DCAF10: variants seen among roughly 807,000 people sequenced by gnomAD.
DCAF10 encodes the protein DDB1 and CUL4 associated factor 10.
DCAF10 carries 19 observed loss-of-function variants against 51.9 expected under a neutral mutation model. The observed-to-expected ratio is 0.37, with a 90% confidence interval of 0.26 to 0.54. The LOEUF (loss-of-function observed/expected upper bound fraction) is 0.54, where lower values mean the gene tolerates loss of function less well. Ranked by LOEUF, DCAF10 falls within the 20% of genes least tolerant of loss-of-function variation. The pLI, the probability that DCAF10 is intolerant of heterozygous loss-of-function variation, is 0.87. For synonymous variants in DCAF10, 291 were observed against 297.1 expected (o/e 0.98, Z 0.21); for missense variants, 510 against 730.6 (o/e 0.70, Z 3.48).
chr9:37,801,048 C>T lies in DCAF10; in HGVS notation c.182C>T (p.Ser61Leu). The T allele has an allele frequency of 3.9e-6, 6 of 1,536,346 alleles. No homozygotes were observed. Among genetic ancestry groups the T allele is most frequent in the Non-Finnish European group, 5.2e-6 (6 of 1,150,574 alleles). ...AGCCCTCGCCGCCCCGGCGCCCCAT[C>T]GCTGTCCCCGGCCCCGCGCTCCGGA... The part of the protein sequence containing the change: ...ARSPRRPGAP[S>L]LSPAPRSGEL... Residue 61 changes from serine (S) to leucine (L), a missense_variant, in exon 1 of 7, where the codon TCG (serine) becomes TTG (leucine). Physicochemically the swap from Ser to Leu is moderately radical, Grantham distance 145. This residue lies in a region of DCAF10 where 251 missense variants were observed against 227.9 expected (regional missense o/e 1.10). Coordinates refer to ENST00000377724, the MANE Select transcript of DCAF10 (RefSeq NM_024345.5). This position sits in a 1 kb window ranked among gnomAD's most constrained non-coding sequence, Gnocchi z 5.5.
At chr9:37,857,198 G>C (rs747615297) in intron 4 of DCAF10, 43 bp from the exon 5 acceptor site, 1 of 1,455,706 alleles carries the variant, frequency 6.9e-7, no homozygotes, top group Non-Finnish European at 9.3e-7. Context: ...GCCACTACCA[G>C]AGTTATGCTA....
intron 3 of DCAF10, among the ~76,000 whole-genome samples, chr9:37,847,690 T>C (rs960318288): frequency 5.1e-4 from 77 of 152,172 alleles, no homozygotes; most frequent in African/African-American, 1.9e-3. Context: ...GAAAAGGCAT[T>C]CAGAATAGAA....
At chr9:37,803,211 A>G (rs773988698) in intron 1 of DCAF10, among the ~76,000 whole-genome samples, 1 of 152,152 alleles carries the variant, frequency 6.6e-6, no homozygotes, top group Non-Finnish European at 1.5e-5. Flanking sequence ...ATACCTAAAC[A>G]TTGCTTATGA....
chr9:37,836,100 G>C (rs960531000), intron 2 of DCAF10: 2 of 1,225,950 alleles, frequency 1.6e-6, no homozygotes, highest in African/African-American at 3.0e-5. Context: ...TAAAGAACTT[G>C]GTATCTCTAT....
intron 2 of DCAF10, among the ~76,000 whole-genome samples, chr9:37,830,607 G>C (rs1455069647): frequency 6.6e-6 from 1 of 152,208 alleles, no homozygotes; most frequent in East Asian, 1.9e-4. Context: ...TCAAAAATAT[G>C]TGAAAGATAA....
At chr9:37,840,781 C>T (rs1443542238) in intron 2 of DCAF10, among the ~76,000 whole-genome samples, 1 of 152,174 alleles carries the variant, frequency 6.6e-6, no homozygotes, top group African/African-American at 2.4e-5. Flanking sequence ...ACTGACTCAC[C>T]CAGAGCAACT....
intron 1 of DCAF10, among the ~76,000 whole-genome samples, chr9:37,810,094 G>T (rs1829289426): frequency 6.6e-6 from 1 of 151,818 alleles, no homozygotes; most frequent in African/African-American, 2.4e-5. Context: ...GGAGGTTGCA[G>T]TGAGCTGAGA....
intron 4 of DCAF10, among the ~76,000 whole-genome samples, chr9:37,856,054 G>C (rs1200233632): frequency 6.6e-6 from 1 of 152,122 alleles, no homozygotes; most frequent in Non-Finnish European, 1.5e-5. Flanking sequence ...AGGAAGCTGG[G>C]GCAGGAGGAT....
At chr9:37,816,506 T>C (rs190960621) in intron 1 of DCAF10, among the ~76,000 whole-genome samples, 6 of 152,218 alleles carry the variant, frequency 3.9e-5, no homozygotes, top group Non-Finnish European at 7.4e-5. Flanking sequence ...AGGAAAATCT[T>C]TTGAACCCAG....
chr9:37,807,725 C>T (rs1419576986), intron 1 of DCAF10, among the ~76,000 whole-genome samples: 5 of 141,804 alleles, frequency 3.5e-5, no homozygotes, highest in East Asian at 2.1e-4. Context: ...TGCAATGGCG[C>T]GATCTTGCCT....
chr9:37,819,216 A>G, intron 1 of DCAF10, 72 bp from the exon 2 acceptor site: 1 of 1,208,820 alleles, frequency 8.3e-7, no homozygotes, highest in Non-Finnish European at 1.2e-6. Flanking sequence ...TTGTGTAATT[A>G]TAAATAAGTG....
chr9:37,851,566 G>A (rs919371692), intron 3 of DCAF10, among the ~76,000 whole-genome samples: 4 of 151,562 alleles, frequency 2.6e-5, no homozygotes, highest in South Asian at 2.1e-4. Context: ...AGGCCGAGGC[G>A]GGTGGATCAC....
intron 2 of DCAF10, among the ~76,000 whole-genome samples, chr9:37,840,989 T>C (rs1830318587): frequency 6.6e-6 from 1 of 152,216 alleles, no homozygotes; most frequent in African/African-American, 2.4e-5. Flanking sequence ...CTATATACCA[T>C]ATATACCATA....
intron 2 of DCAF10, among the ~76,000 whole-genome samples, chr9:37,822,224 T>C (rs902247359): frequency 7.9e-5 from 12 of 152,016 alleles, no homozygotes; most frequent in African/African-American, 2.9e-4. Context: ...CTTAAAGAAC[T>C]AAAAGTAGAA....
intron 5 of DCAF10, among the ~76,000 whole-genome samples, chr9:37,857,892 C>T (rs1830898000): frequency 6.6e-6 from 1 of 152,180 alleles, no homozygotes; most frequent in Admixed American, 6.5e-5. Flanking sequence ...ATACCTTCCA[C>T]CACACCCCCC....
chr9:37,820,455 G>C (rs913737696), intron 2 of DCAF10, among the ~76,000 whole-genome samples: 1 of 152,132 alleles, frequency 6.6e-6, no homozygotes, highest in African/African-American at 2.4e-5. Flanking sequence ...CATGAAGTCC[G>C]GGGTTTGGTT....
chr9:37,867,393 T>G lies in DCAF10; in HGVS notation c.*5885T>G, dbSNP rs1831158112. On this transcript the variant is annotated 3_prime_UTR_variant, in exon 7 of 7. Coordinates refer to ENST00000377724, the MANE Select transcript of DCAF10 (RefSeq NM_024345.5). ...TGGTTTTTACATAAAGGGTGAATAT[T>G]TGAATTTTCTTTTAAATTTCACTGC... is the stretch of plus-strand genomic sequence containing the variant. 6.6e-6 allele frequency: 1 copy of G among 152,122 alleles called. No individual in the cohort carries two copies. Among genetic ancestry groups the G allele is most frequent in the Non-Finnish European group, 1.5e-5 (1 of 68,034 alleles). The allele number at this position is 152,122 out of a possible 1,614,324, so 9.4% of individuals were successfully genotyped here. A position where few individuals can be genotyped will look rare whatever the true frequency, so the allele number is the denominator to read the frequency against.
At chr9:37,814,241 C>T (rs1279999307) in intron 1 of DCAF10, among the ~76,000 whole-genome samples, 4 of 146,230 alleles carry the variant, frequency 2.7e-5, no homozygotes, top group South Asian at 2.2e-4. Context: ...CGGGTTCAAG[C>T]GATTCTCCTG....
At chr9:37,802,321 A>G (rs1009707779) in intron 1 of DCAF10, among the ~76,000 whole-genome samples, 10 of 152,254 alleles carry the variant, frequency 6.6e-5, no homozygotes, top group African/African-American at 2.4e-4. Context: ...GCCTTACTAA[A>G]TAATGCATAA....
Sources: gnomAD v4.1 joint callset for allele counts (sites outside exome capture counted in the v4.1 genomes callset) on GRCh38, gnomAD v4.1.1 for gene constraint, gnomAD v4.1.1 regional missense constraint, Gnocchi (gnomAD v3.1) non-coding constraint, MANE v1.5 for transcripts, NCBI Gene and HGNC (gene_info 2026-07-23, HGNC 2026-07-21) for gene names.